Variants in RGS5 observed in about 807,000 individuals in gnomAD.
RGS5 encodes the protein regulator of G-protein signalling 5.
A neutral mutation model predicts 18.9 loss-of-function variants in RGS5; 20 were observed. That is an observed-to-expected ratio of 1.06 (90% CI 0.74 to 1.54). The LOEUF (loss-of-function observed/expected upper bound fraction) is 1.54, where lower values mean the gene tolerates loss of function less well. Among genes scored for constraint, RGS5 ranks in the 40% most tolerant of loss-of-function variants. The pLI is 0.00. For synonymous variants in RGS5, 57 were observed against 76.2 expected, an observed-to-expected ratio of 0.75 and a Z score of 1.31; for missense variants, 201 against 211.8, an observed-to-expected ratio of 0.95 and a Z score of 0.32.
chr1:163,171,847 C>T (rs956112342), intron 1 of RGS5, among the ~76,000 whole-genome samples: 9 of 152,080 alleles, frequency 5.9e-5, no homozygotes, highest in African/African-American at 1.2e-4. Context: ...GCTTTTAGCC[C>T]GGAGAGGTCT....
chr1:163,277,118 C>T (rs2940671), intron 2 of RGS5, among the ~76,000 whole-genome samples: 36,031 of 152,146 alleles, frequency 0.24, 5,594 homozygotes, highest in East Asian at 0.66. Context: ...CTTACCTTAA[C>T]ACAGACATTC....
intron 1 of RGS5, among the ~76,000 whole-genome samples, chr1:163,213,930 C>T (rs181726248): frequency 7.9e-5 from 12 of 152,292 alleles, no homozygotes; most frequent in African/African-American, 2.9e-4. Flanking sequence ...TCCAAACCTT[C>T]CGTTTTCTGA....
At chr1:163,158,045 G>T (rs6680803) in intron 3 of RGS5, among the ~76,000 whole-genome samples, 29,646 of 152,094 alleles carry the variant, frequency 0.19, 4,552 homozygotes, top group African/African-American at 0.43. Context: ...TTTTGCATCA[G>T]CCACAGCTAA....
intron 1 of RGS5, among the ~76,000 whole-genome samples, chr1:163,178,268 G>A (rs537085261): frequency 6.6e-6 from 1 of 152,168 alleles, no homozygotes; most frequent in South Asian, 2.1e-4. Context: ...CTGAGATGGT[G>A]CCACTGCACT....
At chr1:163,287,279 A>C (rs1319305847) in intron 2 of RGS5, among the ~76,000 whole-genome samples, 1 of 152,200 alleles carries the variant, frequency 6.6e-6, no homozygotes, top group African/African-American at 2.4e-5. Flanking sequence ...ACAGCAGAAC[A>C]GTTCCCCCTT....
At chr1:163,253,622 C>A (rs1557920507) in intron 2 of RGS5, among the ~76,000 whole-genome samples, 1 of 81,170 alleles carries the variant, frequency 1.2e-5, no homozygotes, top group African/African-American at 7.8e-5. Flanking sequence ...GACCATTTTT[C>A]TTTTTATTTA....
At chr1:163,226,934 A>T (rs1160596065) in intron 2 of RGS5, among the ~76,000 whole-genome samples, 2 of 152,234 alleles carry the variant, frequency 1.3e-5, no homozygotes, top group East Asian at 3.8e-4. Context: ...GGACATTTTT[A>T]AAAATGATAT....
chr1:163,277,545 G>T (rs1323129079), intron 2 of RGS5, among the ~76,000 whole-genome samples: 1 of 152,170 alleles, frequency 6.6e-6, no homozygotes, highest in Admixed American at 6.6e-5. Context: ...GTTGCTAGGT[G>T]AAGAAAGCTA....
intron 1 of RGS5, among the ~76,000 whole-genome samples, chr1:163,184,421 A>T (rs906684811): frequency 1.3e-5 from 2 of 151,786 alleles, no homozygotes; most frequent in Admixed American, 6.6e-5. Context: ...AAAAAAGGGA[A>T]GAACAATGTC....
chr1:163,285,998 G>GCACA (rs10683583), intron 2 of RGS5, among the ~76,000 whole-genome samples: 51,254 of 134,836 alleles, frequency 0.38, 8,917 homozygotes, highest in Non-Finnish European at 0.42. Flanking sequence ...TTTAATTTAT[G>GCACA]CACACACACA....
In RGS5 at chr1:163,142,404, TATTGA is replaced by T. The variant is rs1168285368; in HGVS notation, c.*4933_*4937del. 1 of 152,164 alleles carries T rather than the reference TATTGA, an allele frequency of 6.6e-6. No homozygotes were observed. The highest frequency in any genetic ancestry group is 2.4e-5 in the African/African-American group (1 of 41,434). The allele number at this position is 152,164 out of a possible 1,614,324, so 9.4% of individuals were successfully genotyped here. ...AGCATGAGTCACATAGTACATAAAG[TATTGA>T]ATACAAAATTCTAAAGATAAACACA... On this transcript the variant is annotated 3_prime_UTR_variant, in exon 5 of 5. Coordinates refer to ENST00000313961, the MANE Select transcript of RGS5 (RefSeq NM_003617.4).
chr1:163,219,653 T>C (rs939365309), upstream of RGS5, among the ~76,000 whole-genome samples: 35 of 152,290 alleles, frequency 2.3e-4, no homozygotes, highest in African/African-American at 8.4e-4. Flanking sequence ...ATTTTCTCAG[T>C]TTTAATTTCC....
At chr1:163,172,625 C>T (rs745975306) in intron 1 of RGS5, 2 of 1,547,948 alleles carry the variant, frequency 1.3e-6, no homozygotes, top group South Asian at 1.2e-5. Context: ...ATATTCAGTG[C>T]TTTGGAAAAC....
At position 163,202,591 on chromosome 1, in the gene RGS5, A is replaced by G. The variant is rs115657075; in HGVS notation, c.44+201T>C. ...TTAAATGATGTATGAAATACTCTAT[A>G]TTGTATTAATCTCCTAGCTTGGATC... On this transcript the variant is annotated intron_variant, in intron 1 of 4. Coordinates refer to ENST00000313961, the MANE Select transcript of RGS5 (RefSeq NM_003617.4). 9.3e-3 allele frequency among the ~76,000 whole-genome samples: 1,410 copies of G among 152,320 alleles called. 6 individuals carry two copies. Among genetic ancestry groups the G allele is most frequent in the Non-Finnish European group, 0.016 (1,088 of 68,028 alleles).
intron 2 of RGS5, among the ~76,000 whole-genome samples, chr1:163,277,600 G>A (rs1648889238): frequency 6.6e-6 from 1 of 152,134 alleles, no homozygotes; most frequent in Non-Finnish European, 1.5e-5. Flanking sequence ...AAATGGTAGT[G>A]GTTCTTCTGT....
intron 3 of RGS5, among the ~76,000 whole-genome samples, chr1:163,154,646 T>A (rs1657514067): frequency 6.6e-6 from 1 of 151,972 alleles, no homozygotes; most frequent in Non-Finnish European, 1.5e-5. Flanking sequence ...TTTGATAACC[T>A]GTAACTGGAT....
At chr1:163,191,821 A>G (rs1347847951) in intron 1 of RGS5, among the ~76,000 whole-genome samples, 1 of 152,206 alleles carries the variant, frequency 6.6e-6, no homozygotes, top group African/African-American at 2.4e-5. Context: ...AAACCAAACT[A>G]TGATGAGAAG....
intron 2 of RGS5, among the ~76,000 whole-genome samples, chr1:163,259,101 G>A (rs1359948964): frequency 1.3e-5 from 2 of 152,006 alleles, no homozygotes; most frequent in Non-Finnish European, 2.9e-5. Context: ...CAAGGTACCT[G>A]ACCTCCCAGT....
intron 2 of RGS5, among the ~76,000 whole-genome samples, chr1:163,226,568 T>C (rs1647340196): frequency 6.6e-6 from 1 of 152,178 alleles, no homozygotes; most frequent in African/African-American, 2.4e-5. Context: ...ATAAATCTAT[T>C]GTGGTTTTTG....
Sources: allele counts gnomAD v4.1 joint callset (sites outside exome capture counted in the v4.1 genomes callset), GRCh38; gene constraint gnomAD v4.1.1; transcripts MANE v1.5; gene names NCBI Gene and HGNC (gene_info 2026-07-23, HGNC 2026-07-21).